NOL4: variants seen among roughly 807,000 people sequenced by gnomAD.
NOL4 encodes the protein cancer/testis antigen 125.
NOL4 carries 17 observed loss-of-function variants against 75.9 expected under a neutral mutation model. The observed-to-expected ratio is 0.22, with a 90% CI of 0.15 to 0.34. NOL4 has a LOEUF of 0.34. Ranked by LOEUF, NOL4 falls within the 10% of genes least tolerant of loss-of-function variation. The probability of loss-of-function intolerance (pLI) is 1.00; values close to 1 mark genes in which losing one functional copy is unlikely to be tolerated. For missense variants in NOL4, 614 were observed against 793.5 expected, an observed-to-expected ratio of 0.77 and a Z score of 2.72; for synonymous variants, 292 against 289.9, an observed-to-expected ratio of 1.01 and a Z score of -0.07.
intron 10 of NOL4, among the ~76,000 whole-genome samples, chr18:33,882,286 A>G (rs1194550548): frequency 1.3e-5 from 2 of 152,144 alleles, no homozygotes; most frequent in African/African-American, 4.8e-5. Flanking sequence ...AAATGGGAGA[A>G]AATTTTTGCA....
At chr18:34,208,794 G>A (rs945071918) in intron 1 of NOL4, among the ~76,000 whole-genome samples, 3 of 152,034 alleles carry the variant, frequency 2.0e-5, no homozygotes, top group African/African-American at 4.8e-5. Context: ...CCTAGGAGGC[G>A]GAGGTTGCAG....
chr18:34,179,855 T>C (rs894339694), intron 1 of NOL4, among the ~76,000 whole-genome samples: 2 of 151,576 alleles, frequency 1.3e-5, no homozygotes, highest in Non-Finnish European at 3.0e-5. Flanking sequence ...ACTTCAGAAC[T>C]GTAAGATATA....
At chr18:34,043,128 C>T (rs1401535113) in intron 5 of NOL4, among the ~76,000 whole-genome samples, 9 of 152,030 alleles carry the variant, frequency 5.9e-5, no homozygotes, top group Non-Finnish European at 1.3e-4. Flanking sequence ...GAGAGAAAGC[C>T]TCTGATTTTC....
At chr18:34,093,618 T>C (rs773307359) in intron 4 of NOL4, 21 bp from the exon 5 acceptor site, 2 of 1,545,764 alleles carry the variant, frequency 1.3e-6, no homozygotes, top group Non-Finnish European at 1.8e-6. Context: ...TTTTAAAATA[T>C]CATCAAGCAT....
intron 5 of NOL4, among the ~76,000 whole-genome samples, chr18:34,056,168 A>G (rs1400445968): frequency 2.6e-5 from 4 of 152,116 alleles, no homozygotes; most frequent in Non-Finnish European, 4.4e-5. Context: ...TGTACATTTC[A>G]TCAAGCCACA....
intron 8 of NOL4, among the ~76,000 whole-genome samples, chr18:33,947,027 T>C (rs1298471096): frequency 3.3e-5 from 5 of 151,596 alleles, no homozygotes; most frequent in African/African-American, 1.2e-4. Flanking sequence ...ATGCCAATAC[T>C]CTCCAATACA....
At chr18:34,126,400 T>G (rs2080391290) in intron 2 of NOL4, among the ~76,000 whole-genome samples, 1 of 152,174 alleles carries the variant, frequency 6.6e-6, no homozygotes, top group Non-Finnish European at 1.5e-5. Flanking sequence ...TATTGGCAGT[T>G]ATATATATGA....
At chr18:34,046,971 A>G (rs762656920) in intron 5 of NOL4, among the ~76,000 whole-genome samples, 1 of 151,802 alleles carries the variant, frequency 6.6e-6, no homozygotes, top group African/African-American at 2.4e-5. Context: ...ATTGAGAGGG[A>G]CTCCCTGACT....
chr18:33,973,045 A>G (rs138666099), intron 6 of NOL4, among the ~76,000 whole-genome samples: 110 of 152,310 alleles, frequency 7.2e-4, no homozygotes, highest in African/African-American at 2.4e-3. Context: ...AGGTTGTTTG[A>G]TAGCATTTTA....
At position 34,049,072 on chromosome 18, in the gene NOL4, GCGCACACACACACACA is replaced by G. The variant is rs1457180480; in HGVS notation, c.773-29487_773-29472del. Among the ~76,000 whole-genome samples, 36 of 126,350 alleles carry G rather than the reference GCGCACACACACACACA, an allele frequency of 2.8e-4. No individual in the cohort carries two copies. In the East Asian group the frequency reaches 3.1e-3, roughly 11 times the overall value. 82.9% of individuals were successfully genotyped at this position (126,350 alleles called of 152,430 possible). On this transcript the variant is annotated intron_variant, in intron 5 of 10. Transcript: ENST00000261592. ...CAACTTGAAGGTTAGATACAGGCGC[GCGCACACACACACACA>G]CACACACACACACACACACACACAC...
At chr18:34,030,563 G>A (rs909459736) in intron 5 of NOL4, among the ~76,000 whole-genome samples, 17 of 152,158 alleles carry the variant, frequency 1.1e-4, no homozygotes, top group African/African-American at 3.9e-4. Context: ...TATTGAAATT[G>A]TTTTGTATTT....
chr18:33,943,279 G>A, intron 8 of NOL4, 101 bp from the exon 9 acceptor site: 4 of 694,732 alleles, frequency 5.8e-6, no homozygotes, highest in South Asian at 1.7e-5. Context: ...AACATGTGCA[G>A]GAATATCCAT....
At chr18:34,030,792 A>G (rs1193628513) in intron 5 of NOL4, among the ~76,000 whole-genome samples, 1 of 152,188 alleles carries the variant, frequency 6.6e-6, no homozygotes, top group African/African-American at 2.4e-5. Context: ...TACATATACT[A>G]TATATGTAAA....
intron 1 of NOL4, among the ~76,000 whole-genome samples, chr18:34,178,076 G>T (rs2033707658): frequency 6.6e-6 from 1 of 151,754 alleles, no homozygotes; most frequent in Admixed American, 6.6e-5. Flanking sequence ...GACAAACAAT[G>T]TATAGAGATA....
chr18:34,165,821 A>G (rs962518780), intron 1 of NOL4, among the ~76,000 whole-genome samples: 3 of 151,988 alleles, frequency 2.0e-5, no homozygotes, highest in Non-Finnish European at 4.4e-5. Flanking sequence ...AATATATAAT[A>G]AGCAGATATA....
chr18:34,221,333 T>C (rs992197261), intron 1 of NOL4: 3 of 152,250 alleles, frequency 2.0e-5, no homozygotes, highest in Admixed American at 6.5e-5. Context: ...TGCATGTTTA[T>C]GTTTTGAATT....
intron 5 of NOL4, among the ~76,000 whole-genome samples, chr18:34,047,422 AC>A (rs2076430964): frequency 6.6e-6 from 1 of 152,112 alleles, no homozygotes; most frequent in Non-Finnish European, 1.5e-5. Context: ...CAATTAAAAA[AC>A]ATCATGTATC....
chr18:34,212,006 T>C (rs1276569656), intron 1 of NOL4, among the ~76,000 whole-genome samples: 2 of 152,124 alleles, frequency 1.3e-5, no homozygotes, highest in Non-Finnish European at 1.5e-5. Context: ...ATTATATTGT[T>C]ATATTTTCTT....
At chr18:34,182,270 T>C (rs1193808209) in intron 1 of NOL4, among the ~76,000 whole-genome samples, 2 of 151,590 alleles carry the variant, frequency 1.3e-5, no homozygotes, top group Non-Finnish European at 3.0e-5. Flanking sequence ...GCCTGAAACT[T>C]GAGAACATGC....
Sources: allele counts gnomAD v4.1 joint callset (sites outside exome capture counted in the v4.1 genomes callset), GRCh38; gene constraint gnomAD v4.1.1; transcripts MANE v1.5; gene names NCBI Gene and HGNC (gene_info 2026-07-23, HGNC 2026-07-21).